Variants in EEIG1 observed in about 807,000 individuals in gnomAD.
EEIG1 encodes estrogen-induced osteoclastogenesis regulator 1, also known as early estrogen-induced gene 1 protein.
the EEIG1 span, among the ~76,000 whole-genome samples, chr9:127,951,188 G>A: frequency 4.5e-4 from 69 of 152,250 alleles, no homozygotes; most frequent in African/African-American, 1.6e-3. Context: ...AGACCTGGAG[G>A]GGAAAGTGAG....
the EEIG1 span, chr9:127,943,116 G>T: frequency 2.8e-6 from 4 of 1,417,944 alleles, no homozygotes; most frequent in South Asian, 2.3e-5. Flanking sequence ...ATCTGAAGGG[G>T]AAAGTTCCTC....
chr9:127,963,754 T>C, the EEIG1 span: 3 of 152,244 alleles, frequency 2.0e-5, no homozygotes, highest in Non-Finnish European at 4.4e-5. Context: ...ACCTCCACAA[T>C]GCATCCACGA....
chr9:127,960,925 C>T, the EEIG1 span, among the ~76,000 whole-genome samples: 418 of 152,124 alleles, frequency 2.7e-3, 3 homozygotes, highest in African/African-American at 9.7e-3. Context: ...ACCACTCCCA[C>T]GGGAAGAGGC....
At chr9:127,944,690 G>A in the EEIG1 span, 2 of 1,612,990 alleles carry the variant, frequency 1.2e-6, no homozygotes, top group Non-Finnish European at 8.5e-7. Flanking sequence ...GCTGTCTGTG[G>A]GGACACAGGA....
the EEIG1 span, among the ~76,000 whole-genome samples, chr9:127,975,173 C>T: frequency 2.0e-5 from 3 of 152,234 alleles, no homozygotes; most frequent in African/African-American, 7.2e-5. Flanking sequence ...GCTGGCCTCC[C>T]CAGGGACTGG....
the EEIG1 span, among the ~76,000 whole-genome samples, chr9:127,949,560 T>G: frequency 4.6e-5 from 7 of 152,108 alleles, no homozygotes; most frequent in African/African-American, 1.7e-4. Context: ...TGCCTGTGCT[T>G]TTCAGCCTGA....
the EEIG1 span, among the ~76,000 whole-genome samples, chr9:127,956,967 G>T: frequency 6.6e-6 from 1 of 152,292 alleles, no homozygotes; most frequent in South Asian, 2.1e-4. Flanking sequence ...CATCTGCCAT[G>T]GCATCCCAAA....
At chr9:127,965,705 G>A in the EEIG1 span, among the ~76,000 whole-genome samples, 3 of 152,232 alleles carry the variant, frequency 2.0e-5, no homozygotes, top group East Asian at 3.9e-4. Flanking sequence ...GCCAGAGAGC[G>A]AGAGTCTAAT....
At chr9:127,949,144 T>C in the EEIG1 span, among the ~76,000 whole-genome samples, 1 of 151,638 alleles carries the variant, frequency 6.6e-6, no homozygotes, top group Non-Finnish European at 1.5e-5. Flanking sequence ...TGAAACCCCA[T>C]CTCTACTAAA....
the EEIG1 span, among the ~76,000 whole-genome samples, chr9:127,962,594 G>A: frequency 6.6e-6 from 1 of 152,334 alleles, no homozygotes; most frequent in South Asian, 2.1e-4. Context: ...GGCAGGCCTG[G>A]GCTGCTGGGT....
chr9:127,975,220 C>A, the EEIG1 span, among the ~76,000 whole-genome samples: 1 of 152,226 alleles, frequency 6.6e-6, no homozygotes, highest in Non-Finnish European at 1.5e-5. Context: ...ACTGACCTGG[C>A]CAAGGCCTTC....
the EEIG1 span, among the ~76,000 whole-genome samples, chr9:127,961,756 T>A: frequency 6.6e-6 from 1 of 151,008 alleles, no homozygotes; most frequent in Non-Finnish European, 1.5e-5. Context: ...AAGCAAAGAC[T>A]GAAGCGAGTG....
At chr9:127,953,782 C>T in the EEIG1 span, 1 of 1,613,970 alleles carries the variant, frequency 6.2e-7, no homozygotes. Context: ...GCCCAGCAGC[C>T]CCACATGCGC....
chr9:127,980,250 G>T, the EEIG1 span: 1 of 1,224,296 alleles, frequency 8.2e-7, no homozygotes, highest in Non-Finnish European at 1.1e-6. Flanking sequence ...ATCCCGCCCT[G>T]ATGGTGGCGG....
the EEIG1 span, chr9:127,979,860 A>G: frequency 8.6e-7 from 1 of 1,164,206 alleles, no homozygotes; most frequent in Non-Finnish European, 1.2e-6. Context: ...TGCCTTGTGC[A>G]ACCTGCCCCA....
chr9:127,979,993 T>G, the EEIG1 span: 2 of 1,612,386 alleles, frequency 1.2e-6, no homozygotes, highest in Non-Finnish European at 1.7e-6. Flanking sequence ...AGCTCCTACC[T>G]TGACGACAAG....
chr9:127,965,921 C>T, the EEIG1 span, among the ~76,000 whole-genome samples: 1 of 152,314 alleles, frequency 6.6e-6, no homozygotes, highest in South Asian at 2.1e-4. Flanking sequence ...GGACCTCCTC[C>T]TGCAAGGAGG....
chr9:127,965,590 G>A, the EEIG1 span, among the ~76,000 whole-genome samples: 5 of 152,126 alleles, frequency 3.3e-5, no homozygotes, highest in South Asian at 2.1e-4. Flanking sequence ...CCTCAGCCAC[G>A]CTCACTCCCA....
the EEIG1 span, among the ~76,000 whole-genome samples, chr9:127,976,234 C>T: frequency 6.6e-6 from 1 of 152,178 alleles, no homozygotes; most frequent in Non-Finnish European, 1.5e-5. This position sits in a 1 kb window ranked among gnomAD's most constrained non-coding sequence, Gnocchi z 4.1. Flanking sequence ...AATTCAAATC[C>T]CATCTCTGCA....
Sources: allele counts gnomAD v4.1 joint callset (sites outside exome capture counted in the v4.1 genomes callset), GRCh38; gene constraint gnomAD v4.1.1; non-coding constraint Gnocchi (gnomAD v3.1); transcripts MANE v1.5; gene names NCBI Gene and HGNC (gene_info 2026-07-23, HGNC 2026-07-21).